The following ADAMTSL1 variants were observed in gnomAD, a reference collection of about 807,000 sequenced individuals.
ADAMTSL1 encodes ADAMTS-like protein 1.
ADAMTSL1 carries 126 observed loss-of-function variants against 201.8 expected under a neutral mutation model. The observed-to-expected ratio is 0.62, with a 90% CI of 0.54 to 0.72. The LOEUF (loss-of-function observed/expected upper bound fraction) is 0.72. Among genes scored for constraint, ADAMTSL1 ranks in the 30% least tolerant of loss-of-function variants. The pLI is 0.00. For missense variants in ADAMTSL1, 2,679 were observed against 2,277.8 expected, an observed-to-expected ratio of 1.18 and a Z score of -3.59; for synonymous variants, 1,121 against 903.4, an observed-to-expected ratio of 1.24 and a Z score of -4.32.
chr9:18,809,667 T>C (rs965392168), intron 20 of ADAMTSL1, among the ~76,000 whole-genome samples: 1 of 152,112 alleles, frequency 6.6e-6, no homozygotes, highest in East Asian at 1.9e-4. Context: ...TGCATGCCTG[T>C]AATCTCAGCT....
intron 2 of ADAMTSL1, among the ~76,000 whole-genome samples, chr9:18,325,055 C>A (rs1210776791): frequency 6.6e-6 from 1 of 152,132 alleles, no homozygotes; most frequent in Non-Finnish European, 1.5e-5. Context: ...TATACACACT[C>A]AGTAGAATGG....
At chr9:17,986,048 A>G (rs1037032520) in intron 1 of ADAMTSL1, among the ~76,000 whole-genome samples, 1 of 152,154 alleles carries the variant, frequency 6.6e-6, no homozygotes, top group African/African-American at 2.4e-5. Flanking sequence ...TAAAGTTCCA[A>G]ATGAATTGAG....
chr9:18,312,533 C>T (rs1439102877), intron 2 of ADAMTSL1, among the ~76,000 whole-genome samples: 1 of 152,142 alleles, frequency 6.6e-6, no homozygotes, highest in Non-Finnish European at 1.5e-5. Context: ...ATGGACTGTG[C>T]ACATAACTTC....
intron 1 of ADAMTSL1, among the ~76,000 whole-genome samples, chr9:18,124,868 G>T (rs879696188): frequency 2.0e-5 from 3 of 152,070 alleles, no homozygotes; most frequent in Non-Finnish European, 4.4e-5. Context: ...GAATGTTAAG[G>T]AAAATTCTTA....
intron 2 of ADAMTSL1, among the ~76,000 whole-genome samples, chr9:18,259,269 C>A (rs1003025530): frequency 2.6e-5 from 4 of 152,092 alleles, no homozygotes; most frequent in Non-Finnish European, 5.9e-5. Context: ...AGTTAAATTC[C>A]TCATCTACGC....
chr9:18,346,679 A>G (rs1011443089), intron 2 of ADAMTSL1, among the ~76,000 whole-genome samples: 1 of 152,182 alleles, frequency 6.6e-6, no homozygotes, highest in African/African-American at 2.4e-5. Flanking sequence ...GATTTTGGCT[A>G]GTTGGATTCT....
At chr9:17,920,150 A>G (rs1563895472) in intron 1 of ADAMTSL1, among the ~76,000 whole-genome samples, 1 of 152,154 alleles carries the variant, frequency 6.6e-6, no homozygotes, top group Non-Finnish European at 1.5e-5. Flanking sequence ...AAAGTTCTTA[A>G]TTTATGTAAC....
At chr9:18,641,743 A>T (rs1050620377) in intron 7 of ADAMTSL1, among the ~76,000 whole-genome samples, 4 of 151,946 alleles carry the variant, frequency 2.6e-5, no homozygotes, top group Non-Finnish European at 5.9e-5. Context: ...TAATGAAACA[A>T]CTTTCTCTTC....
At chr9:18,002,334 T>TAG (rs1819646491) in intron 1 of ADAMTSL1, among the ~76,000 whole-genome samples, 1 of 152,048 alleles carries the variant, frequency 6.6e-6, no homozygotes, top group Non-Finnish European at 1.5e-5. Flanking sequence ...GTTCAGATTC[T>TAG]GGTTCCACAA....
intron 4 of ADAMTSL1, among the ~76,000 whole-genome samples, chr9:18,602,545 C>T (rs540374823): frequency 6.6e-6 from 1 of 152,302 alleles, no homozygotes; most frequent in Non-Finnish European, 1.5e-5. Context: ...GGGGACTTGG[C>T]AGCCTGCCTT....
intron 1 of ADAMTSL1, among the ~76,000 whole-genome samples, chr9:18,094,336 C>T (rs1234260591): frequency 2.0e-5 from 3 of 152,152 alleles, no homozygotes; most frequent in African/African-American, 7.2e-5. Flanking sequence ...ATCTCTATTC[C>T]CTGATTACTC....
At chr9:18,632,083 T>TGGGAGAGGATTAGTAA (rs1826817927) in intron 5 of ADAMTSL1, among the ~76,000 whole-genome samples, 2 of 152,174 alleles carry the variant, frequency 1.3e-5, no homozygotes, top group Admixed American at 1.3e-4. Context: ...GGCCCCTGCC[T>TGGGAGAGGATTAGTAA]CGCCAGCTAT....
chr9:18,591,895 A>T (rs1823938807), intron 4 of ADAMTSL1, among the ~76,000 whole-genome samples: 8 of 152,200 alleles, frequency 5.3e-5, no homozygotes, highest in Admixed American at 5.2e-4. Flanking sequence ...ATGCTTGAAG[A>T]AGTGGTAAGC....
chr9:18,215,566 A>G (rs1473832126), intron 2 of ADAMTSL1, among the ~76,000 whole-genome samples: 2 of 152,230 alleles, frequency 1.3e-5, no homozygotes, highest in Admixed American at 1.3e-4. Flanking sequence ...ATCAAAAAAA[A>G]TCCCATAGCT....
At chr9:18,006,920 G>A (rs1029804250) in intron 1 of ADAMTSL1, among the ~76,000 whole-genome samples, 1 of 151,946 alleles carries the variant, frequency 6.6e-6, no homozygotes, top group African/African-American at 2.4e-5. Flanking sequence ...TCATTAGATC[G>A]TTTGTCTAGA....
chr9:17,952,325 A>T (rs540030650), intron 1 of ADAMTSL1, among the ~76,000 whole-genome samples: 1 of 151,964 alleles, frequency 6.6e-6, no homozygotes, highest in Non-Finnish European at 1.5e-5. Context: ...TAATATTCTT[A>T]TGAAGTATTT....
intron 17 of ADAMTSL1, among the ~76,000 whole-genome samples, chr9:18,773,927 A>G (rs1444581375): frequency 6.6e-6 from 1 of 152,258 alleles, no homozygotes; most frequent in African/African-American, 2.4e-5. Context: ...TTTTCAGACT[A>G]TAAAAGCAAT....
chr9:18,173,776 TA>T (rs1828011612), intron 2 of ADAMTSL1, among the ~76,000 whole-genome samples: 1 of 152,158 alleles, frequency 6.6e-6, no homozygotes. Flanking sequence ...TAGAAATACA[TA>T]AATAACACGT....
At chr9:18,388,187 A>AT (rs558562708) in intron 2 of ADAMTSL1, among the ~76,000 whole-genome samples, 1 of 151,020 alleles carries the variant, frequency 6.6e-6, no homozygotes, top group African/African-American at 2.4e-5. Context: ...GGATTTTGTT[A>AT]TTTTTTTTCT....
Sources: allele counts gnomAD v4.1 joint callset (sites outside exome capture counted in the v4.1 genomes callset), GRCh38; gene constraint gnomAD v4.1.1; transcripts MANE v1.5; gene names NCBI Gene and HGNC (gene_info 2026-07-23, HGNC 2026-07-21).